Variants in CFAP54 observed in about 807,000 individuals in gnomAD.
CFAP54 encodes the protein cilia- and flagella-associated protein 54.
Under a neutral mutation model 370.4 loss-of-function variants are expected in CFAP54, and 290 were observed. The ratio of observed to expected loss-of-function variants is 0.78; its 90% CI spans 0.71 to 0.86. The LOEUF (loss-of-function observed/expected upper bound fraction) is 0.86, where lower values mean the gene tolerates loss of function less well. Ranked by LOEUF, CFAP54 falls within the 40% of genes least tolerant of loss-of-function variation. CFAP54 has a pLI of 0.00. For synonymous variants in CFAP54, 1,206 were observed against 1,236.5 expected (o/e 0.98, Z 0.52); for missense variants, 3,399 against 3,528.7 (o/e 0.96, Z 0.93).
At chr12:96,509,287 C>A (rs1175459517) in intron 4 of CFAP54, among the ~76,000 whole-genome samples, 1 of 152,162 alleles carries the variant, frequency 6.6e-6, no homozygotes, top group African/African-American at 2.4e-5. Context: ...TTCTGGGTAT[C>A]TGGTGGAAGG....
In CFAP54 at chr12:96,537,855, C is replaced by T. The variant is rs556030999; in HGVS notation, c.1792-529C>T. 5.2e-4 allele frequency among the ~76,000 whole-genome samples: 79 copies of T among 151,730 alleles called. 1 individual carries two copies. The highest frequency in any genetic ancestry group is 2.2e-3 in the Admixed American group (33 of 15,222). On this transcript the variant is annotated intron_variant, in intron 12 of 67. Transcript: ENST00000524981. ...GTAATCCCAGTACTTTGGGATGGCA[C>T]GGCAGGTGGATCACTTGAGGCCAGG...
intron 3 of CFAP54, among the ~76,000 whole-genome samples, chr12:96,505,870 T>C (rs1203278510): frequency 6.6e-6 from 1 of 152,198 alleles, no homozygotes; most frequent in Non-Finnish European, 1.5e-5. Flanking sequence ...CTGTAACTGT[T>C]TTCCCTCCTC....
At chr12:96,568,641 G>T (rs1043344573) in intron 19 of CFAP54, among the ~76,000 whole-genome samples, 1 of 152,108 alleles carries the variant, frequency 6.6e-6, no homozygotes, top group Admixed American at 6.6e-5. Context: ...ACAATATCAT[G>T]ATCTTGTAAC....
intron 1 of CFAP54, among the ~76,000 whole-genome samples, chr12:96,497,233 C>T (rs1954964413): frequency 6.6e-6 from 1 of 152,126 alleles, no homozygotes; most frequent in African/African-American, 2.4e-5. Flanking sequence ...GCTTAATCAA[C>T]TGTATCTTTG....
intron 39 of CFAP54, among the ~76,000 whole-genome samples, chr12:96,677,686 A>C (rs1394016664): frequency 6.6e-6 from 1 of 152,168 alleles, no homozygotes; most frequent in Non-Finnish European, 1.5e-5. Context: ...CACAAGAACC[A>C]CTTTGGCCTA....
At chr12:96,728,535 T>G (rs1031145876) in intron 50 of CFAP54, among the ~76,000 whole-genome samples, 38 of 152,260 alleles carry the variant, frequency 2.5e-4, no homozygotes, top group Admixed American at 2.5e-3. Context: ...CATCAGCTCC[T>G]TTAAGCACTT....
chr12:96,834,729 CCTT>C (rs1453701090), intron 66 of CFAP54, among the ~76,000 whole-genome samples: 2 of 150,726 alleles, frequency 1.3e-5, no homozygotes, highest in African/African-American at 5.0e-5. Context: ...GCTCTTCTCT[CCTT>C]CTTTTCTCCT....
chr12:96,519,386 A>AG (rs1284691746), intron 6 of CFAP54, among the ~76,000 whole-genome samples: 33 of 152,306 alleles, frequency 2.2e-4, no homozygotes, highest in Middle Eastern at 3.4e-3. Context: ...GGCGTGAGCC[A>AG]CTGTGTCCAG....
rs1565934538 is a variant in CFAP54 at position 96,664,786 on chromosome 12, TATATATATATATATATATATATATATAG to T, written c.5563+865_5563+892del. On this transcript the variant is annotated intron_variant, in intron 39 of 67. Coordinates refer to ENST00000524981, the MANE Select transcript of CFAP54 (RefSeq NM_001306084.2). The stretch of plus-strand genomic sequence containing the variant: ...ATATCTATATCTATATCTATATATA[TATATATATATATATATATATATATATAG>T]ATATATATATGTATATCCCATAATG... Among the ~76,000 whole-genome samples the T allele has an allele frequency of 6.6e-3, 177 of 26,680 alleles. 4 individuals are homozygous for T. The East Asian group carries it at 0.097, about 15-fold the overall frequency. The allele number at this position is 26,680 out of a possible 152,430, so 17.5% of individuals were successfully genotyped here. A position where few individuals can be genotyped will look rare whatever the true frequency, so the allele number is the denominator to read the frequency against.
chr12:96,550,691 T>G (rs1955685357), intron 15 of CFAP54, among the ~76,000 whole-genome samples: 1 of 152,208 alleles, frequency 6.6e-6, no homozygotes, highest in South Asian at 2.1e-4. Flanking sequence ...TTTGGACAGA[T>G]TTGAACAAAT....
At chr12:96,672,153 T>G (rs1223024041) in intron 39 of CFAP54, among the ~76,000 whole-genome samples, 1 of 152,026 alleles carries the variant, frequency 6.6e-6, no homozygotes, top group African/African-American at 2.4e-5. Context: ...ATTTACATAT[T>G]AACTAGAAAA....
At chr12:96,494,799 T>C (rs1954930068) in intron 1 of CFAP54, among the ~76,000 whole-genome samples, 1 of 151,908 alleles carries the variant, frequency 6.6e-6, no homozygotes, top group Non-Finnish European at 1.5e-5. Flanking sequence ...CAATCTCGGC[T>C]CTCTGCAGCT....
At chr12:96,606,285 AT>A (rs1483518425) in intron 26 of CFAP54, among the ~76,000 whole-genome samples, 1 of 152,160 alleles carries the variant, frequency 6.6e-6, no homozygotes, top group Non-Finnish European at 1.5e-5. Context: ...TTCATGACCA[AT>A]TTTAGCCTAC....
chr12:96,719,471 T>A (rs1335753285), intron 49 of CFAP54, among the ~76,000 whole-genome samples: 2 of 152,258 alleles, frequency 1.3e-5, no homozygotes, highest in Non-Finnish European at 2.9e-5. Flanking sequence ...GATTGTCTAC[T>A]GTAAAAATCT....
chr12:96,712,095 A>G (rs1957622495), intron 48 of CFAP54, among the ~76,000 whole-genome samples: 1 of 152,042 alleles, frequency 6.6e-6, no homozygotes, highest in Admixed American at 6.5e-5. Flanking sequence ...TTTAGGTTTT[A>G]GTTTTATTTT....
intron 9 of CFAP54, among the ~76,000 whole-genome samples, chr12:96,532,123 G>A (rs887468218): frequency 3.3e-5 from 5 of 152,146 alleles, no homozygotes; most frequent in Admixed American, 6.5e-5. Flanking sequence ...TTATTTTTCT[G>A]AGAGAACACT....
At chr12:96,553,517 AATATATATAGTTATAT>A (rs1284249828) in intron 15 of CFAP54, among the ~76,000 whole-genome samples, 1 of 67,558 alleles carries the variant, frequency 1.5e-5, no homozygotes, top group Non-Finnish European at 3.1e-5. Flanking sequence ...TATGTATAGT[AATATATATAGTTATAT>A]ATATATATAG....
intron 46 of CFAP54, among the ~76,000 whole-genome samples, chr12:96,701,707 T>G (rs192282780): frequency 1.3e-5 from 2 of 152,038 alleles, no homozygotes; most frequent in Admixed American, 1.3e-4. Context: ...AGGGCAAAGG[T>G]TCTAAAAGGG....
intron 39 of CFAP54, among the ~76,000 whole-genome samples, chr12:96,679,390 G>A (rs1194356224): frequency 1.3e-5 from 2 of 149,034 alleles, no homozygotes; most frequent in Admixed American, 6.7e-5. Context: ...AGTTTTCCAA[G>A]CTTTTTTTTT....
Sources: gnomAD v4.1 joint callset for allele counts (sites outside exome capture counted in the v4.1 genomes callset) on GRCh38, gnomAD v4.1.1 for gene constraint, MANE v1.5 for transcripts, NCBI Gene and HGNC (gene_info 2026-07-23, HGNC 2026-07-21) for gene names.